The following WWOX variants were observed in gnomAD, a reference collection of about 807,000 sequenced individuals.
The protein encoded by WWOX is WW domain containing oxidoreductase.
Under a neutral mutation model 46.2 loss-of-function variants are expected in WWOX, and 69 were observed. That is an observed-to-expected ratio of 1.49 (90% CI 1.23 to 1.82). WWOX has a LOEUF of 1.82. WWOX is among the 40% of genes most tolerant of loss of function. The pLI is 0.00. For missense variants in WWOX, 919 were observed against 542.6 expected, an observed-to-expected ratio of 1.69 and a Z score of -6.89; for synonymous variants, 359 against 202.6, an observed-to-expected ratio of 1.77 and a Z score of -6.56.
rs143926883 is a variant in WWOX, at chr16:78,862,334, A to T, written c.1057-349274A>T. Among the ~76,000 whole-genome samples, 43 of 151,128 alleles carry T rather than the reference A, an allele frequency of 2.8e-4. No individual in the cohort carries two copies. The East Asian group carries it at 7.6e-3, about 27-fold the overall frequency. On this transcript the variant is annotated intron_variant, in intron 8 of 8. Transcript: ENST00000566780. ...TGGGTGTGTCTTTCTATATCTATAC[A>T]TTATATGTACTAAATAATATATATA...
chr16:78,144,488 C>CACACATATATATATATAT (rs1567596485), intron 4 of WWOX, among the ~76,000 whole-genome samples: 5 of 6,802 alleles, frequency 7.4e-4, no homozygotes, highest in East Asian at 5.1e-3. Flanking sequence ...TATATATATA[C>CACACATATATATATATAT]ACACACACAC....
intron 8 of WWOX, among the ~76,000 whole-genome samples, chr16:78,803,445 G>C (rs1457260573): frequency 6.6e-6 from 1 of 151,968 alleles, no homozygotes; most frequent in Non-Finnish European, 1.5e-5. Flanking sequence ...GGGTTTCAAA[G>C]GTACTCTTTT....
chr16:78,595,648 G>A (rs1338136137), intron 8 of WWOX, among the ~76,000 whole-genome samples: 1 of 152,198 alleles, frequency 6.6e-6, no homozygotes, highest in African/African-American at 2.4e-5. Flanking sequence ...ATGTCTTGAT[G>A]ATGAGCCATA....
At chr16:78,126,345 T>C (rs1328031028) in intron 4 of WWOX, among the ~76,000 whole-genome samples, 1 of 152,218 alleles carries the variant, frequency 6.6e-6, no homozygotes, top group Non-Finnish European at 1.5e-5. Flanking sequence ...TGGAAGATTG[T>C]ACCAATTTGA....
chr16:78,611,406 A>C (rs2045897175), intron 8 of WWOX, among the ~76,000 whole-genome samples: 1 of 152,188 alleles, frequency 6.6e-6, no homozygotes, highest in African/African-American at 2.4e-5. Flanking sequence ...AAATGAATAA[A>C]TTGTCTATCC....
chr16:78,613,331 T>C lies in WWOX; in HGVS notation c.1056+180579T>C, dbSNP rs150410969. Among the ~76,000 whole-genome samples the C allele has an allele frequency of 3.2e-3, 489 of 152,266 alleles. 3 individuals are homozygous for C. The highest frequency in any genetic ancestry group is 0.011 in the African/African-American group (457 of 41,562). Reference sequence around the variant, plus strand: ...CCCAGTGTGTTCCTTGAAGTCCCGATGCGTGATTTGTCCCCATGCTGTGTC... The same window carrying C: ...CCCAGTGTGTTCCTTGAAGTCCCGACGCGTGATTTGTCCCCATGCTGTGTC... On this transcript the variant is annotated intron_variant, in intron 8 of 8. Coordinates refer to ENST00000566780, the MANE Select transcript of WWOX (RefSeq NM_016373.4).
rs1452849545 is a variant in WWOX, at chr16:78,642,462, G to C, written c.1056+209710G>C. 3.3e-5 allele frequency among the ~76,000 whole-genome samples: 5 copies of C among 151,990 alleles called. No individual in the cohort carries two copies. The East Asian group carries it at 5.8e-4, about 18-fold the overall frequency. The stretch of plus-strand genomic sequence containing the variant: ...TATTTCGGCCCTGATGGAATCTGTC[G>C]ACTTTACTGAGCTCCATGTATGTGC... On this transcript the variant is annotated intron_variant, in intron 8 of 8. Coordinates refer to ENST00000566780, the MANE Select transcript of WWOX (RefSeq NM_016373.4).
intron 8 of WWOX, among the ~76,000 whole-genome samples, chr16:78,850,286 T>C (rs1290764462): frequency 6.6e-6 from 1 of 152,134 alleles, no homozygotes; most frequent in African/African-American, 2.4e-5. Flanking sequence ...CCATTCAGAT[T>C]TTCCCCTATG....
chr16:78,869,075 A>G (rs1194931119), intron 8 of WWOX, among the ~76,000 whole-genome samples: 1 of 152,230 alleles, frequency 6.6e-6, no homozygotes, highest in Non-Finnish European at 1.5e-5. Context: ...TAACCACTGT[A>G]TGTTTATTTA....
rs184590108 is a variant in WWOX, at chr16:78,275,205, G to T, written c.516+110916G>T. On this transcript the variant is annotated intron_variant, in intron 5 of 8. Coordinates refer to ENST00000566780, the MANE Select transcript of WWOX (RefSeq NM_016373.4). ...TTCAGCCTGCAGGCATGTGTTTGCT[G>T]CCCCCACCCCCACATCCTCTTTTTT... 3.4e-3 allele frequency among the ~76,000 whole-genome samples: 525 copies of T among 152,266 alleles called. 1 individual carries two copies. Among genetic ancestry groups the T allele is most frequent in the Non-Finnish European group, 5.6e-3 (384 of 68,020 alleles).
chr16:78,260,558 C>T (rs1366711977), intron 5 of WWOX, among the ~76,000 whole-genome samples: 1 of 151,306 alleles, frequency 6.6e-6, no homozygotes, highest in Non-Finnish European at 1.5e-5. Flanking sequence ...ATCCCACCTA[C>T]TTGGGAGGCT....
intron 8 of WWOX, among the ~76,000 whole-genome samples, chr16:78,951,562 A>C (rs1346758855): frequency 6.6e-6 from 1 of 152,228 alleles, no homozygotes; most frequent in Non-Finnish European, 1.5e-5. Flanking sequence ...GGTATTAAAA[A>C]GACAAAAACA....
intron 5 of WWOX, among the ~76,000 whole-genome samples, chr16:78,214,491 C>G (rs550172508): frequency 2.0e-5 from 3 of 152,302 alleles, no homozygotes; most frequent in Non-Finnish European, 4.4e-5. Flanking sequence ...CTGTCATCCT[C>G]CAAGTCTGAT....
intron 8 of WWOX, among the ~76,000 whole-genome samples, chr16:78,538,062 G>T (rs2043802116): frequency 6.6e-6 from 1 of 151,932 alleles, no homozygotes; most frequent in Admixed American, 6.6e-5. Context: ...TTTCCAGCAT[G>T]GTATTTTGAG....
chr16:78,717,737 T>A, intron 8 of WWOX, among the ~76,000 whole-genome samples: 1 of 152,198 alleles, frequency 6.6e-6, no homozygotes, highest in East Asian at 1.9e-4. Context: ...TCCTTTGGGT[T>A]GGACTCTGAT....
At chr16:78,434,314 A>G (rs2083289685) in intron 8 of WWOX, among the ~76,000 whole-genome samples, 2 of 152,156 alleles carry the variant, frequency 1.3e-5, no homozygotes, top group Admixed American at 6.5e-5. Flanking sequence ...AATGAATGAA[A>G]CTTACCTGTA....
intron 8 of WWOX, among the ~76,000 whole-genome samples, chr16:79,023,563 A>G (rs16949262): frequency 0.21 from 31,553 of 152,132 alleles, 3,409 homozygotes; most frequent in East Asian, 0.37. Flanking sequence ...ACCATCCACC[A>G]CAGGCAAACA....
At chr16:78,183,451 T>C (rs1355071030) in intron 5 of WWOX, among the ~76,000 whole-genome samples, 1 of 152,240 alleles carries the variant, frequency 6.6e-6, no homozygotes, top group African/African-American at 2.4e-5. Context: ...ACATGGATTT[T>C]GGAATCAGCC....
intron 8 of WWOX, among the ~76,000 whole-genome samples, chr16:79,086,510 G>A (rs2048856572): frequency 6.6e-6 from 1 of 152,200 alleles, no homozygotes; most frequent in Non-Finnish European, 1.5e-5. Context: ...TGTCAGTACA[G>A]TACTATCCAA....
Sources: gnomAD v4.1 joint callset for allele counts (sites outside exome capture counted in the v4.1 genomes callset) on GRCh38, gnomAD v4.1.1 for gene constraint, MANE v1.5 for transcripts, NCBI Gene and HGNC (gene_info 2026-07-23, HGNC 2026-07-21) for gene names.